Variants in KNCN observed in about 807,000 individuals in gnomAD.
KNCN encodes the protein kinocilin.
KNCN carries 11 observed loss-of-function variants against 10.4 expected under a neutral mutation model. The ratio of observed to expected loss-of-function variants is 1.06; its 90% CI spans 0.67 to 1.75. KNCN has a LOEUF of 1.75. KNCN is among the 40% of genes most tolerant of loss of function. The pLI is 0.00. For missense variants in KNCN, 172 were observed against 167.1 expected (o/e 1.03, Z -0.16); for synonymous variants, 67 against 71.6 (o/e 0.94, Z 0.33).
intron 3 of KNCN, among the ~76,000 whole-genome samples, chr1:46,548,112 C>T (rs1385737759): frequency 6.6e-6 from 1 of 152,190 alleles, no homozygotes; most frequent in Non-Finnish European, 1.5e-5. Flanking sequence ...TGGTCTTGGG[C>T]ATGTCACTAA....
intron 3 of KNCN, among the ~76,000 whole-genome samples, chr1:46,548,751 C>T (rs1208375231): frequency 6.6e-6 from 1 of 152,158 alleles, no homozygotes; most frequent in Non-Finnish European, 1.5e-5. Context: ...GGGAAAGTGC[C>T]AGCAGTACCG....
At chr1:46,549,858 G>A (rs984399165) in intron 2 of KNCN, 76 bp downstream of exon 2, 2 of 1,549,068 alleles carry the variant, frequency 1.3e-6, no homozygotes, top group Admixed American at 2.0e-5. Context: ...CCACACAGTG[G>A]GTCACAGACG....
At chr1:46,549,344 C>A in intron 2 of KNCN, 77 bp from the exon 3 acceptor site, 1 of 1,066,504 alleles carries the variant, frequency 9.4e-7, no homozygotes. Context: ...GAAGGGAAGT[C>A]CTTCTTGCTA....
Position 46,551,008 on chromosome 1 carries a change from G to A in KNCN, c.151+57C>T. ...CCCTGTTCCTTGTTCACCTGACGAT[G>A]CCCCTGCCCCCACCTCCAGAATCTC... On this transcript the variant is annotated intron_variant, in intron 1 of 3. Transcript: ENST00000481882. The surrounding 1 kb of genome is among the most constrained non-coding windows in gnomAD (Gnocchi z 4.0). 6.9e-7 allele frequency: 1 copy of A among 1,447,810 alleles called. No individual in the cohort carries two copies. The allele number at this position is 1,447,810 out of a possible 1,614,324, so 89.7% of individuals were successfully genotyped here.
intron 3 of KNCN, 118 bp from the exon 4 acceptor site, chr1:46,547,927 G>C: frequency 1.5e-6 from 1 of 664,660 alleles, no homozygotes; most frequent in South Asian, 2.5e-5. Context: ...CCAGGGCAGA[G>C]CTGGGATAGA....
chr1:46,551,309 G>T lies in KNCN; in HGVS notation c.-94C>A, dbSNP rs568713144. 2.1e-6 allele frequency: 3 copies of T among 1,431,056 alleles called. No homozygotes were observed. The highest frequency in any genetic ancestry group is 1.5e-5 in the African/African-American group (1 of 68,740). 88.6% of individuals were successfully genotyped at this position (1,431,056 alleles called of 1,614,324 possible). On this transcript the variant is annotated 5_prime_UTR_variant, in exon 1 of 4. Coordinates refer to ENST00000481882, the MANE Select transcript of KNCN (RefSeq NM_001322255.2). The surrounding 1 kb of genome is among the most constrained non-coding windows in gnomAD (Gnocchi z 4.0). ...GGCTCTTGGATGTCTCCTTGTTGGC[G>T]CTCCAACTTCAGGGTAGGAGTTTCT... is the stretch of plus-strand genomic sequence containing the variant.
chr1:46,549,879 G>A, intron 2 of KNCN, 55 bp downstream of exon 2: 1 of 1,550,392 alleles, frequency 6.4e-7, no homozygotes, highest in Non-Finnish European at 8.7e-7. Flanking sequence ...AGCACACAAA[G>A]GGTCTGGAAC....
chr1:46,548,928 G>A (rs571073453), intron 3 of KNCN, among the ~76,000 whole-genome samples: 1 of 152,298 alleles, frequency 6.6e-6, no homozygotes, highest in African/African-American at 2.4e-5. Flanking sequence ...ATCACCTGAG[G>A]TTGGGAGTTC....
At chr1:46,548,252 G>A (rs1666988794) in intron 3 of KNCN, among the ~76,000 whole-genome samples, 1 of 152,188 alleles carries the variant, frequency 6.6e-6, no homozygotes, top group African/African-American at 2.4e-5. Flanking sequence ...CTGGAATGGG[G>A]CCTTTCACTG....
Position 46,547,051 on chromosome 1 carries a change from T to G in KNCN, c.*679A>C. Reference sequence around the variant, plus strand: ...TCACAAAAAGCCTTGAGTGGTGGAGTTAAGACACCAAGGGTCTCAGGCCTG... The same window carrying G: ...TCACAAAAAGCCTTGAGTGGTGGAGGTAAGACACCAAGGGTCTCAGGCCTG... On this transcript the variant is annotated 3_prime_UTR_variant, in exon 4 of 4. Transcript: ENST00000481882. 6 of 254,300 alleles carry G rather than the reference T, an allele frequency of 2.4e-5. No individual in the cohort carries two copies. Among genetic ancestry groups the G allele is most frequent in the East Asian group, 1.0e-4 (1 of 9,680 alleles). The allele number at this position is 254,300 out of a possible 1,614,324, so 15.8% of individuals were successfully genotyped here.
rs926731870 is a variant in KNCN at position 46,547,359 on chromosome 1, G to C, written c.*371C>G. 3.1e-5 allele frequency: 15 copies of C among 491,236 alleles called. No individual in the cohort carries two copies. Among genetic ancestry groups the C allele is most frequent in the African/African-American group, 1.9e-4 (10 of 51,428 alleles). 30.4% of individuals were successfully genotyped at this position (491,236 alleles called of 1,614,324 possible). A position where few individuals can be genotyped will look rare whatever the true frequency, so the allele number is the denominator to read the frequency against. On this transcript the variant is annotated 3_prime_UTR_variant, in exon 4 of 4. Transcript: ENST00000481882. ...GTAGCCGGGTTAGAGCAAGGGACTG[G>C]GGCATCCTGGTCATAGTCAGGGCCT...
rs1174686908 is a variant in KNCN at position 46,545,858 on chromosome 1, G to A, written c.*1872C>T. Reference sequence around the variant, plus strand: ...GGGCATCTCTGGGGCACTGAGGTGAGGATCGAAGATGGATAGGAGGAAGGG... The same window carrying A: ...GGGCATCTCTGGGGCACTGAGGTGAAGATCGAAGATGGATAGGAGGAAGGG... On this transcript the variant is annotated 3_prime_UTR_variant, in exon 4 of 4. Coordinates refer to ENST00000481882, the MANE Select transcript of KNCN (RefSeq NM_001322255.2). The A allele has an allele frequency of 6.6e-6, 1 of 152,258 alleles. No homozygotes were observed. Among genetic ancestry groups the A allele is most frequent in the East Asian group, 1.9e-4 (1 of 5,186 alleles). The allele number at this position is 152,258 out of a possible 1,614,324, so 9.4% of individuals were successfully genotyped here.
At position 46,551,054 on chromosome 1, in the gene KNCN, C is replaced by T. The variant is rs373421420; in HGVS notation, c.151+11G>A. 7.6e-6 allele frequency: 12 copies of T among 1,575,102 alleles called. No homozygotes were observed. The highest frequency in any genetic ancestry group is 1.7e-4 in the Middle Eastern group (1 of 5,930). ...ATCTCCCTTCCCTATCCCAGCCCAG[C>T]CCCTGCTCACCCAGAACAGCAGCGC... On this transcript the variant is annotated intron_variant, in intron 1 of 3. Transcript: ENST00000481882. The surrounding 1 kb of genome is among the most constrained non-coding windows in gnomAD (Gnocchi z 4.0).
chr1:46,550,320 C>A (rs774871822), intron 1 of KNCN, among the ~76,000 whole-genome samples: 2 of 152,104 alleles, frequency 1.3e-5, no homozygotes, highest in African/African-American at 4.8e-5. Context: ...GCTGTCCCCA[C>A]GCTTCCCCAG....
chr1:46,548,441 A>G (rs994056993), intron 3 of KNCN, among the ~76,000 whole-genome samples: 18 of 152,246 alleles, frequency 1.2e-4, no homozygotes, highest in Non-Finnish European at 2.4e-4. Context: ...TGGCCTCTTT[A>G]AACTGGGCTG....
Position 46,546,606 on chromosome 1 carries a change from A to G in KNCN, c.*1124T>C, listed in dbSNP as rs1351032964. Reference sequence around the variant, plus strand: ...GGAACAATGTTTTCTGTGAGGCCACACCTGGGCCTCCTTGCTCTACCCACG... The same window carrying G: ...GGAACAATGTTTTCTGTGAGGCCACGCCTGGGCCTCCTTGCTCTACCCACG... On this transcript the variant is annotated 3_prime_UTR_variant, in exon 4 of 4. Transcript: ENST00000481882. 6.6e-6 allele frequency: 1 copy of G among 152,248 alleles called. No individual in the cohort carries two copies. The highest frequency in any genetic ancestry group is 1.5e-5 in the Non-Finnish European group (1 of 68,066). The allele number at this position is 152,248 out of a possible 1,614,324, so 9.4% of individuals were successfully genotyped here. A position where few individuals can be genotyped will look rare whatever the true frequency, so the allele number is the denominator to read the frequency against.
In KNCN at chr1:46,547,084, C is replaced by G; in HGVS notation, c.*646G>C. 1 of 311,698 alleles carries G rather than the reference C, an allele frequency of 3.2e-6. No individual in the cohort carries two copies. Among genetic ancestry groups the G allele is most frequent in the African/African-American group, 2.2e-5 (1 of 46,218 alleles). 19.3% of individuals were successfully genotyped at this position (311,698 alleles called of 1,614,324 possible). A position where few individuals can be genotyped will look rare whatever the true frequency, so the allele number is the denominator to read the frequency against. The stretch of plus-strand genomic sequence containing the variant: ...CCAAGGGTCTCAGGCCTGGGCTCAG[C>G]TGAGAAGTTGCCTCCTCTGACCCCC... On this transcript the variant is annotated 3_prime_UTR_variant, in exon 4 of 4. Transcript: ENST00000481882.
rs577537177 is a variant in KNCN at position 46,548,032 on chromosome 1, C to T, written c.296-223G>A. 7.2e-5 allele frequency among the ~76,000 whole-genome samples: 11 copies of T among 152,212 alleles called. No individual in the cohort carries two copies. The South Asian group carries it at 1.2e-3, about 17-fold the overall frequency. ...CTTTCAAGAGGGCAGCAGCATAGGC[C>T]GGGGGTAGAGGCGGGACCCCGGAGC... On this transcript the variant is annotated intron_variant, in intron 3 of 3. Coordinates refer to ENST00000481882, the MANE Select transcript of KNCN (RefSeq NM_001322255.2).
chr1:46,547,693 G>A lies in KNCN; in HGVS notation c.*37C>T, dbSNP rs11801142. 6.8e-4 allele frequency: 1,008 copies of A among 1,486,060 alleles called. 12 individuals carry two copies. In the African/African-American group the frequency reaches 0.012, roughly 18 times the overall value. 92.1% of individuals were successfully genotyped at this position (1,486,060 alleles called of 1,614,324 possible). A position where few individuals can be genotyped will look rare whatever the true frequency, so the allele number is the denominator to read the frequency against. The stretch of plus-strand genomic sequence containing the variant: ...CTGACATAGGGGCAGCAGGCAGGAT[G>A]GGAGGGCAGGGCATGGGCAGCCGCT... On this transcript the variant is annotated 3_prime_UTR_variant, in exon 4 of 4. Coordinates refer to ENST00000481882, the MANE Select transcript of KNCN (RefSeq NM_001322255.2).
Sources: allele counts gnomAD v4.1 joint callset (sites outside exome capture counted in the v4.1 genomes callset), GRCh38; gene constraint gnomAD v4.1.1; non-coding constraint Gnocchi (gnomAD v3.1); transcripts MANE v1.5; gene names NCBI Gene and HGNC (gene_info 2026-07-23, HGNC 2026-07-21).